Variants in CNTN1 observed in about 807,000 individuals in gnomAD.
The protein encoded by CNTN1 is contactin 1.
In CNTN1, 38 loss-of-function variants were observed where a neutral mutation model predicts 126.4. The observed-to-expected ratio is 0.30, with a 90% CI of 0.23 to 0.39. The LOEUF (loss-of-function observed/expected upper bound fraction) is 0.39, where lower values mean the gene tolerates loss of function less well. Among genes scored for constraint, CNTN1 ranks in the 10% least tolerant of loss-of-function variants. The pLI is 1.00. For missense variants in CNTN1, 1,009 were observed against 1,248.4 expected, an observed-to-expected ratio of 0.81 and a Z score of 2.89; for synonymous variants, 413 against 422.6, an observed-to-expected ratio of 0.98 and a Z score of 0.28.
At chr12:40,811,490 C>A (rs1291274545) in intron 1 of CNTN1, among the ~76,000 whole-genome samples, 1 of 152,020 alleles carries the variant, frequency 6.6e-6, no homozygotes, top group African/African-American at 2.4e-5. Flanking sequence ...GGTGTAAATT[C>A]TTTTCTAAAT....
intron 9 of CNTN1, among the ~76,000 whole-genome samples, chr12:40,934,117 T>A (rs1945995245): frequency 6.6e-6 from 1 of 152,068 alleles, no homozygotes. Flanking sequence ...ATAGAAGTGT[T>A]ATTGGTAATT....
intron 6 of CNTN1, among the ~76,000 whole-genome samples, chr12:40,927,601 T>G (rs1167525261): frequency 1.3e-5 from 2 of 152,250 alleles, no homozygotes; most frequent in South Asian, 2.1e-4. Context: ...TCTAACAAAT[T>G]GCAATTATTG....
chr12:40,917,621 G>C (rs544205208), intron 3 of CNTN1, among the ~76,000 whole-genome samples: 1 of 152,116 alleles, frequency 6.6e-6, no homozygotes, highest in Non-Finnish European at 1.5e-5. Flanking sequence ...GTGAACCATC[G>C]CTTAGATTGG....
intron 1 of CNTN1, among the ~76,000 whole-genome samples, chr12:40,709,695 T>G (rs1941861897): frequency 6.6e-6 from 1 of 152,222 alleles, no homozygotes; most frequent in African/African-American, 2.4e-5. Context: ...ACATCCTGCT[T>G]CACTTCACAT....
chr12:40,959,230 G>A lies in CNTN1; in HGVS notation c.1800G>A (p.Val600=), dbSNP rs1326033692. Residue 600 remains valine (V), a synonymous_variant, in exon 15 of 24, where the codon GTG becomes GTA. Coordinates refer to ENST00000551295, the MANE Select transcript of CNTN1 (RefSeq NM_001843.4). ...DNSSASADLV[V]RGPPGPPGGL... ...CTTCAGCTTCAGCTGACCTTGTAGT[G>A]AGAGGTAAGAGTTTCAACATTTTAA... 1.2e-5 allele frequency: 19 copies of A among 1,612,262 alleles called. No homozygotes were observed. The highest frequency in any genetic ancestry group is 1.6e-4 in the Middle Eastern group (1 of 6,070).
At chr12:40,999,191 A>T (rs908008136) in intron 17 of CNTN1, among the ~76,000 whole-genome samples, 1 of 152,174 alleles carries the variant, frequency 6.6e-6, no homozygotes, top group Admixed American at 6.5e-5. Flanking sequence ...ATACAGAAGC[A>T]CTCTTATAAG....
At chr12:40,748,825 G>C (rs911821604) in intron 1 of CNTN1, among the ~76,000 whole-genome samples, 2 of 152,056 alleles carry the variant, frequency 1.3e-5, no homozygotes, top group Non-Finnish European at 2.9e-5. Context: ...TAAAGTCAAA[G>C]AAATAAAGCT....
intron 1 of CNTN1, among the ~76,000 whole-genome samples, chr12:40,762,935 G>T (rs1425596830): frequency 2.0e-5 from 3 of 152,156 alleles, no homozygotes; most frequent in African/African-American, 7.2e-5. Context: ...TTGGAGGTGG[G>T]GCCTAGTGGG....
At chr12:40,861,279 A>G (rs1352827385) in intron 1 of CNTN1, among the ~76,000 whole-genome samples, 3 of 152,078 alleles carry the variant, frequency 2.0e-5, no homozygotes, top group Admixed American at 6.6e-5. Flanking sequence ...CATTTATAAA[A>G]CATTAGATGA....
Position 40,924,544 on chromosome 12 carries a change from C to A in CNTN1, c.401-13C>A. 7.0e-7 allele frequency: 1 copy of A among 1,425,922 alleles called. No homozygotes were observed. Among genetic ancestry groups the A allele is most frequent in the African/African-American group, 1.4e-5 (1 of 71,008 alleles). 88.3% of individuals were successfully genotyped at this position (1,425,922 alleles called of 1,614,324 possible). Reference sequence around the variant, plus strand: ...AGAGAGTGAATGTTTCTCTTTTTTTCTTTCGTAATTAGATCTTGATCCTTT... The same window carrying A: ...AGAGAGTGAATGTTTCTCTTTTTTTATTTCGTAATTAGATCTTGATCCTTT... On this transcript the variant is annotated splice_polypyrimidine_tract_variant and intron_variant, in intron 5 of 23. Coordinates refer to ENST00000551295, the MANE Select transcript of CNTN1 (RefSeq NM_001843.4).
At chr12:40,770,700 C>T (rs904033932) in intron 1 of CNTN1, among the ~76,000 whole-genome samples, 1 of 151,940 alleles carries the variant, frequency 6.6e-6, no homozygotes, top group Non-Finnish European at 1.5e-5. Context: ...TATAATATGC[C>T]ATTAACAAAA....
intron 14 of CNTN1, among the ~76,000 whole-genome samples, chr12:40,947,975 C>T (rs1946497840): frequency 6.6e-6 from 1 of 151,842 alleles, no homozygotes; most frequent in African/African-American, 2.4e-5. Flanking sequence ...CATTTTCTCA[C>T]CTCTTATGTG....
intron 18 of CNTN1, among the ~76,000 whole-genome samples, chr12:41,015,808 G>A (rs898593705): frequency 5.3e-5 from 8 of 152,032 alleles, no homozygotes; most frequent in Admixed American, 3.3e-4. Context: ...AGAAGTAGCT[G>A]TAAGTCAGTT....
chr12:40,917,757 A>C lies in CNTN1; in HGVS notation c.95-882A>C, dbSNP rs530346213. Among the ~76,000 whole-genome samples, 100 of 152,220 alleles carry C rather than the reference A, an allele frequency of 6.6e-4. 4 individuals carry two copies. The South Asian group carries it at 0.021, about 31-fold the overall frequency. On this transcript the variant is annotated intron_variant, in intron 3 of 23. Coordinates refer to ENST00000551295, the MANE Select transcript of CNTN1 (RefSeq NM_001843.4). ...AATGCTGCCGCAGTGGTGGCATGTG[A>C]ATGATTTTCTTCTCCTCATCCTGCT... is the stretch of plus-strand genomic sequence containing the variant.
In CNTN1 at chr12:40,890,786, T is replaced by A. The variant is rs117986978; in HGVS notation, c.-76-17571T>A. Among the ~76,000 whole-genome samples the A allele has an allele frequency of 1.8e-4, 28 of 152,322 alleles. 1 individual carries two copies. The East Asian group carries it at 5.4e-3, about 29-fold the overall frequency. The stretch of plus-strand genomic sequence containing the variant: ...ATGGGTTTCAATTTTTGGCAATTAT[T>A]AATTAAGGTGCTATAAACATCCTTG... On this transcript the variant is annotated intron_variant, in intron 1 of 23. Coordinates refer to ENST00000551295, the MANE Select transcript of CNTN1 (RefSeq NM_001843.4).
intron 1 of CNTN1, among the ~76,000 whole-genome samples, chr12:40,838,185 C>A (rs886754020): frequency 6.6e-6 from 1 of 152,302 alleles, no homozygotes; most frequent in Admixed American, 6.5e-5. Context: ...CACTCTGGAA[C>A]CAGAGCACTC....
chr12:40,817,708 A>G (rs950504778), intron 1 of CNTN1, among the ~76,000 whole-genome samples: 3 of 151,942 alleles, frequency 2.0e-5, no homozygotes, highest in African/African-American at 4.8e-5. Flanking sequence ...TCCTATCATC[A>G]TGATGCTATT....
At chr12:40,804,268 A>G (rs1036298096) in intron 1 of CNTN1, among the ~76,000 whole-genome samples, 4 of 152,074 alleles carry the variant, frequency 2.6e-5, no homozygotes, top group African/African-American at 9.7e-5. Flanking sequence ...AAGGAGTAAC[A>G]TTTATAAATG....
intron 7 of CNTN1, among the ~76,000 whole-genome samples, chr12:40,932,337 T>C (rs528410092): frequency 1.3e-5 from 2 of 152,100 alleles, no homozygotes; most frequent in South Asian, 4.1e-4. Context: ...TGCTGTCTCT[T>C]GCCCACTGCC....
Sources: gnomAD v4.1 joint callset for allele counts (sites outside exome capture counted in the v4.1 genomes callset) on GRCh38, gnomAD v4.1.1 for gene constraint, MANE v1.5 for transcripts, NCBI Gene and HGNC (gene_info 2026-07-23, HGNC 2026-07-21) for gene names.